The following ZNF638 variants were observed in gnomAD, a reference collection of about 807,000 sequenced individuals.
ZNF638 encodes zinc finger protein 638, also known as CTCL tumor antigen se33-1.
Under a neutral mutation model 195.6 loss-of-function variants are expected in ZNF638, and 46 were observed. The ratio of observed to expected loss-of-function variants is 0.24; its 90% confidence interval spans 0.19 to 0.30. The LOEUF is 0.30. Ranked by LOEUF, ZNF638 falls within the 10% of genes least tolerant of loss-of-function variation. The probability of loss-of-function intolerance (pLI) is 1.00; values close to 1 mark genes in which losing one functional copy is unlikely to be tolerated. For synonymous variants in ZNF638, 845 were observed against 772.0 expected (o/e 1.09, Z -1.57); for missense variants, 2,440 against 2,325.3 (o/e 1.05, Z -1.01).
At chr2:71,368,361 T>A in intron 6 of ZNF638, 21 bp from the exon 7 acceptor site, 1 of 1,598,486 alleles carries the variant, frequency 6.3e-7, no homozygotes. Flanking sequence ...TATTTTAAAT[T>A]TTCTTTCACT....
In ZNF638 at chr2:71,422,929, A is replaced by G. The variant is rs2080461867; in HGVS notation, c.3415A>G (p.Thr1139Ala). Residue 1139 changes from threonine to alanine, a missense_variant, in exon 22 of 28, where the codon ACT (threonine) becomes GCT (alanine). Coordinates refer to ENST00000264447, the MANE Select transcript of ZNF638 (RefSeq NM_014497.5). ...EESTPSIQTE[T>A]LVQQEEPCEE... Reference sequence around the variant, plus strand: ...AAGTACTCCCAGCATTCAAACAGAAACTTTGGTACAGCAGGAAGAGCCTTG... The same window carrying G: ...AAGTACTCCCAGCATTCAAACAGAAGCTTTGGTACAGCAGGAAGAGCCTTG... 1 of 1,614,120 alleles carries G rather than the reference A, an allele frequency of 6.2e-7. No individual in the cohort carries two copies. The highest frequency in any genetic ancestry group is 8.5e-7 in the Non-Finnish European group (1 of 1,179,992).
chr2:71,428,448 C>A, intron 24 of ZNF638, 99 bp from the exon 25 acceptor site: 1 of 1,089,234 alleles, frequency 9.2e-7, no homozygotes, highest in Non-Finnish European at 1.3e-6. Context: ...GTATTTTTTG[C>A]AAAAATGTAT....
chr2:71,331,854 G>C lies in ZNF638; in HGVS notation c.-224G>C, dbSNP rs990821472. 22 of 986,302 alleles carry C rather than the reference G, an allele frequency of 2.2e-5. No individual in the cohort carries two copies. The highest frequency in any genetic ancestry group is 6.1e-5 in the Admixed American group (1 of 16,282). 61.1% of individuals were successfully genotyped at this position (986,302 alleles called of 1,614,324 possible). Reference sequence around the variant, plus strand: ...CTGTGTGGGGCGCGGATGGGATCCAGCTGTTAGTCGGGTAGGCATAGGTAG... The same window carrying C: ...CTGTGTGGGGCGCGGATGGGATCCACCTGTTAGTCGGGTAGGCATAGGTAG... On this transcript the variant is annotated 5_prime_UTR_variant, in exon 1 of 28. Coordinates refer to ENST00000264447, the MANE Select transcript of ZNF638 (RefSeq NM_014497.5).
rs1433627992 is a variant in ZNF638, at chr2:71,426,593, C to T, written c.4724C>T (p.Ser1575Phe). 3 of 1,613,966 alleles carry T rather than the reference C, an allele frequency of 1.9e-6. No individual in the cohort carries two copies. Among genetic ancestry groups the T allele is most frequent in the Admixed American group, 1.7e-5 (1 of 59,988 alleles). Residue 1575 changes from serine (S) to phenylalanine (F), a missense_variant, in exon 24 of 28, where the codon TCT becomes TTT. Physicochemically the swap from Ser to Phe is radical, Grantham distance 155. Transcript: ENST00000264447. ...RKETLKNVPF[S>F]ELNLKKKKGK... is the part of the protein sequence containing the mutation. ...GAAACTCTCAAAAATGTTCCTTTCTCTGAACTTAACTTAAAGAAGAAAAAG... is the reference window on the plus strand; with the variant it reads ...GAAACTCTCAAAAATGTTCCTTTCTTTGAACTTAACTTAAAGAAGAAAAAG...
chr2:71,357,461 C>T (rs59856366), intron 3 of ZNF638, among the ~76,000 whole-genome samples: 95 of 152,200 alleles, frequency 6.2e-4, no homozygotes, highest in African/African-American at 2.3e-3. Context: ...GGAATACAGT[C>T]GAAAATCGAA....
At chr2:71,424,511 A>G (rs570296168) in intron 22 of ZNF638, 139 bp from the exon 23 acceptor site, 2 of 675,226 alleles carry the variant, frequency 3.0e-6, no homozygotes, top group East Asian at 2.7e-5. Flanking sequence ...TTAGTTTTGT[A>G]TACATGTTAA....
rs927752184 is a variant in ZNF638, at chr2:71,331,894, G to A, written c.-203+19G>A. ...GGCATAGGTAGGACCGCTGCCCTGT[G>A]GGGAGTAGGGGGTTGGAAGGCGGAG... On this transcript the variant is annotated intron_variant, in intron 1 of 27. Transcript: ENST00000264447. 7.1e-6 allele frequency: 7 copies of A among 986,268 alleles called. No homozygotes were observed. Among genetic ancestry groups the A allele is most frequent in the Non-Finnish European group, 8.4e-6 (7 of 830,358 alleles). The allele number at this position is 986,268 out of a possible 1,614,324, so 61.1% of individuals were successfully genotyped here.
chr2:71,404,218 G>A (rs1442196077), intron 17 of ZNF638, among the ~76,000 whole-genome samples: 8 of 152,080 alleles, frequency 5.3e-5, no homozygotes, highest in Admixed American at 1.3e-4. Flanking sequence ...TGTTGGGATG[G>A]AAAAAAGGTT....
At chr2:71,361,656 A>G (rs2079111209) in intron 3 of ZNF638, 1 of 152,230 alleles carries the variant, frequency 6.6e-6, no homozygotes. Context: ...TTGTCCTCTC[A>G]TAATTAAAAG....
Position 71,349,328 on chromosome 2 carries a change from C to T in ZNF638, c.374C>T (p.Thr125Ile), listed in dbSNP as rs1261148099. 1.9e-6 allele frequency: 3 copies of T among 1,614,160 alleles called. No homozygotes were observed. Among genetic ancestry groups the T allele is most frequent in the Non-Finnish European group, 2.5e-6 (3 of 1,180,026 alleles). Reference sequence around the variant, plus strand: ...AAACAGAGTTCTGTAACACAGGTTACAGAGCAGAGTCCCAAAGTACAGAGC... The same window carrying T: ...AAACAGAGTTCTGTAACACAGGTTATAGAGCAGAGTCCCAAAGTACAGAGC... ...AVKQSSVTQV[T>I]EQSPKVQSRY... Residue 125 changes from threonine to isoleucine, a missense_variant, in exon 2 of 28, where the codon ACA becomes ATA. Thr to Ile is a moderately conservative substitution (Grantham distance 89). Transcript: ENST00000264447.
chr2:71,334,388 T>A (rs1205478781), intron 1 of ZNF638: 1 of 152,242 alleles, frequency 6.6e-6, no homozygotes, highest in Non-Finnish European at 1.5e-5. Context: ...AATGCTGCCA[T>A]GTAGTGGTTT....
At chr2:71,433,143 C>G (rs749332986) in intron 26 of ZNF638, 22 bp from the exon 27 acceptor site, 40 of 1,460,578 alleles carry the variant, frequency 2.7e-5, no homozygotes, top group Non-Finnish European at 1.6e-5. Flanking sequence ...TAATTTTCTT[C>G]TTGTCTCTTC....
intron 6 of ZNF638, among the ~76,000 whole-genome samples, chr2:71,367,023 A>C (rs1373610155): frequency 6.6e-6 from 1 of 152,186 alleles, no homozygotes; most frequent in Non-Finnish European, 1.5e-5. Flanking sequence ...ATTTAAATAC[A>C]TGAAAGACTT....
At chr2:71,339,915 T>A (rs1327308165) in intron 1 of ZNF638, among the ~76,000 whole-genome samples, 1 of 152,178 alleles carries the variant, frequency 6.6e-6, no homozygotes, top group Non-Finnish European at 1.5e-5. Context: ...AAATACAATG[T>A]TGTGCTCTAG....
At chr2:71,357,821 C>T (rs906623897) in intron 3 of ZNF638, among the ~76,000 whole-genome samples, 1 of 152,090 alleles carries the variant, frequency 6.6e-6, no homozygotes, top group African/African-American at 2.4e-5. Context: ...TACAAGCGTA[C>T]CTCCTTTTAT....
At chr2:71,336,335 C>G (rs1342075321) in intron 1 of ZNF638, among the ~76,000 whole-genome samples, 1 of 130,682 alleles carries the variant, frequency 7.7e-6, no homozygotes, top group Admixed American at 9.0e-5. Flanking sequence ...TGCGCCCTTG[C>G]ACTCCAACCA....
At chr2:71,419,974 C>CCCCCCCCTTTTTT (rs1189202093) in intron 21 of ZNF638, among the ~76,000 whole-genome samples, 2 of 27,022 alleles carry the variant, frequency 7.4e-5, no homozygotes, top group East Asian at 4.5e-3. Context: ...CCCCCCCCGC[C>CCCCCCCCTTTTTT]TTTTTTTTTT....
At chr2:71,355,804 TATAG>T in intron 3 of ZNF638, 24 bp downstream of exon 3, 1 of 1,420,564 alleles carries the variant, frequency 7.0e-7, no homozygotes, top group African/African-American at 1.4e-5. Flanking sequence ...TTTCCTTTAT[TATAG>T]ATAGCATATT....
chr2:71,375,930 A>G (rs1326886805), intron 8 of ZNF638: 1 of 152,230 alleles, frequency 6.6e-6, no homozygotes, highest in Non-Finnish European at 1.5e-5. Flanking sequence ...TATACTAGTG[A>G]CTGTCCAGAA....
Sources: allele counts gnomAD v4.1 joint callset (sites outside exome capture counted in the v4.1 genomes callset), GRCh38; gene constraint gnomAD v4.1.1; transcripts MANE v1.5; gene names NCBI Gene and HGNC (gene_info 2026-07-23, HGNC 2026-07-21).